The following FAF1 variants were observed in gnomAD, a reference collection of about 807,000 sequenced individuals.
FAF1 encodes the protein Fas associated factor 1.
FAF1 carries 25 observed loss-of-function variants against 92.5 expected under a neutral mutation model. The observed-to-expected ratio is 0.27, with a 90% CI of 0.20 to 0.38. The LOEUF (loss-of-function observed/expected upper bound fraction) is 0.38. Ranked by LOEUF, FAF1 falls within the 10% of genes least tolerant of loss-of-function variation. FAF1 has a pLI of 1.00. For synonymous variants in FAF1, 234 were observed against 273.2 expected (o/e 0.86, Z 1.42); for missense variants, 636 against 793.3 (o/e 0.80, Z 2.38).
At chr1:50,597,954 A>C (rs1231808988) in intron 8 of FAF1, among the ~76,000 whole-genome samples, 1 of 152,202 alleles carries the variant, frequency 6.6e-6, no homozygotes, top group Non-Finnish European at 1.5e-5. Flanking sequence ...TCCTGAGTTC[A>C]AATTCACTTC....
At chr1:50,533,660 A>G (rs750237207) in intron 15 of FAF1, among the ~76,000 whole-genome samples, 1 of 152,232 alleles carries the variant, frequency 6.6e-6, no homozygotes, top group Non-Finnish European at 1.5e-5. Context: ...TATTAAAACT[A>G]TCCTTAGAAA....
chr1:50,498,775 G>A lies in FAF1; in HGVS notation c.1495-6974C>T, dbSNP rs1313287699. ...TGAGGCAGAAGAATTGCTTGAACTC[G>A]GGAGGCGGAGGTTGCAGTGAACCGA... On this transcript the variant is annotated intron_variant, in intron 15 of 18. Transcript: ENST00000396153. 2.0e-5 allele frequency among the ~76,000 whole-genome samples: 3 copies of A among 151,868 alleles called. 1 individual carries two copies. Among genetic ancestry groups the A allele is most frequent in the Admixed American group, 6.6e-5 (1 of 15,242 alleles).
chr1:50,876,582 T>A (rs1237188217), intron 1 of FAF1, among the ~76,000 whole-genome samples: 1 of 152,112 alleles, frequency 6.6e-6, no homozygotes, highest in African/African-American at 2.4e-5. Flanking sequence ...AAAACATTTG[T>A]TTTTTTGTTT....
intron 6 of FAF1, among the ~76,000 whole-genome samples, chr1:50,732,138 G>C (rs1006843735): frequency 2.0e-5 from 3 of 151,912 alleles, no homozygotes; most frequent in Admixed American, 2.0e-4. Context: ...GCAATAGCCC[G>C]ATCTCAGCTC....
At chr1:50,474,376 T>G (rs779336064) in intron 18 of FAF1, among the ~76,000 whole-genome samples, 1 of 152,214 alleles carries the variant, frequency 6.6e-6, no homozygotes, top group Non-Finnish European at 1.5e-5. Context: ...TTTTTCAGCA[T>G]GAAGCCTAAA....
chr1:50,742,388 G>T (rs1267980443), intron 5 of FAF1, among the ~76,000 whole-genome samples: 13 of 144,238 alleles, frequency 9.0e-5, no homozygotes, highest in Non-Finnish European at 1.5e-5. Context: ...TTTGGGAGGG[G>T]GGGTGTGGCG....
chr1:50,842,416 G>C (rs1010333203), intron 2 of FAF1, among the ~76,000 whole-genome samples: 2 of 152,020 alleles, frequency 1.3e-5, no homozygotes, highest in Non-Finnish European at 2.9e-5. Flanking sequence ...TATAATTTTA[G>C]ATCATTCTTA....
intron 1 of FAF1, among the ~76,000 whole-genome samples, chr1:50,874,730 C>A (rs891372082): frequency 6.7e-6 from 1 of 149,942 alleles, no homozygotes; most frequent in Non-Finnish European, 1.5e-5. Flanking sequence ...AAGTCTCCAT[C>A]CCTTCTCCAT....
chr1:50,846,660 T>G (rs376493567), intron 2 of FAF1: 4 of 547,666 alleles, frequency 7.3e-6, no homozygotes, highest in African/African-American at 5.7e-5. Context: ...GGGTATTTCC[T>G]GGTGAATTTT....
chr1:50,449,680 A>T (rs1386379154), intron 18 of FAF1, among the ~76,000 whole-genome samples: 1 of 150,592 alleles, frequency 6.6e-6, no homozygotes, highest in African/African-American at 2.4e-5. Context: ...AGTAGAGACA[A>T]GTTTTCGCCA....
intron 1 of FAF1, among the ~76,000 whole-genome samples, chr1:50,912,757 G>C (rs1010043658): frequency 6.6e-6 from 1 of 152,102 alleles, no homozygotes; most frequent in Non-Finnish European, 1.5e-5. Context: ...TGCACATTTT[G>C]TCAAACAGCG....
At chr1:50,640,232 C>T (rs1264431215) in intron 8 of FAF1, among the ~76,000 whole-genome samples, 2 of 151,450 alleles carry the variant, frequency 1.3e-5, no homozygotes, top group East Asian at 3.9e-4. Flanking sequence ...AATTAGTTTA[C>T]CTTAAATATC....
chr1:50,589,781 T>C (rs1036611684), intron 9 of FAF1, among the ~76,000 whole-genome samples: 2 of 152,220 alleles, frequency 1.3e-5, no homozygotes, highest in Admixed American at 1.3e-4. Context: ...TTTTGCCCTA[T>C]GTTTTCTTTT....
At chr1:50,834,582 A>G (rs1225181616) in intron 2 of FAF1, among the ~76,000 whole-genome samples, 1 of 152,234 alleles carries the variant, frequency 6.6e-6, no homozygotes, top group Non-Finnish European at 1.5e-5. Flanking sequence ...TAAGTGGCAG[A>G]GCCAAAACTA....
At chr1:50,586,639 G>A (rs993303649) in intron 9 of FAF1, among the ~76,000 whole-genome samples, 2 of 152,074 alleles carry the variant, frequency 1.3e-5, no homozygotes, top group African/African-American at 4.8e-5. Context: ...CGGAAACACT[G>A]GTCCTCCTCC....
chr1:50,884,107 G>A (rs1281402048), intron 1 of FAF1, among the ~76,000 whole-genome samples: 3 of 151,970 alleles, frequency 2.0e-5, no homozygotes, highest in South Asian at 2.1e-4. Context: ...CCTGGGCAAC[G>A]GAGCGAGGAA....
chr1:50,694,595 TA>T (rs1182533215), intron 7 of FAF1, among the ~76,000 whole-genome samples: 4 of 151,048 alleles, frequency 2.6e-5, no homozygotes, highest in African/African-American at 9.7e-5. Context: ...ACCAAAACTT[TA>T]TTAAGTATTT....
At chr1:50,697,090 T>G (rs967295449) in intron 7 of FAF1, among the ~76,000 whole-genome samples, 5 of 152,222 alleles carry the variant, frequency 3.3e-5, no homozygotes, top group African/African-American at 1.2e-4. Context: ...CTTTCATTTT[T>G]CATTCACTTG....
At chr1:50,579,734 G>T (rs759413059) in intron 12 of FAF1, among the ~76,000 whole-genome samples, 1 of 152,102 alleles carries the variant, frequency 6.6e-6, no homozygotes, top group Non-Finnish European at 1.5e-5. Context: ...CATCCGGTCT[G>T]ATTTCTTCAC....
Sources: gnomAD v4.1 joint callset for allele counts (sites outside exome capture counted in the v4.1 genomes callset) on GRCh38, gnomAD v4.1.1 for gene constraint, MANE v1.5 for transcripts, NCBI Gene and HGNC (gene_info 2026-07-23, HGNC 2026-07-21) for gene names.